CPLX2: variants seen among roughly 807,000 people sequenced by gnomAD.
CPLX2 encodes complexin-2.
A neutral mutation model predicts 16.3 loss-of-function variants in CPLX2; 5 were observed. The observed-to-expected ratio is 0.31, with a 90% confidence interval of 0.16 to 0.64. The LOEUF is 0.64. Among genes scored for constraint, CPLX2 ranks in the 30% least tolerant of loss-of-function variants. The probability of loss-of-function intolerance (pLI) is 0.79; values close to 1 mark genes in which losing one functional copy is unlikely to be tolerated. For missense variants in CPLX2, 144 were observed against 181.4 expected (o/e 0.79, Z 1.18); for synonymous variants, 89 against 73.2 (o/e 1.22, Z -1.10).
chr5:175,797,657 G>T (rs1273436046), intron 1 of CPLX2, among the ~76,000 whole-genome samples: 1 of 152,124 alleles, frequency 6.6e-6, no homozygotes, highest in Non-Finnish European at 1.5e-5. Context: ...CTGAGAAGCC[G>T]CGGGGAAGCC....
At chr5:175,827,452 C>A (rs1477683407) in intron 2 of CPLX2, among the ~76,000 whole-genome samples, 1 of 152,154 alleles carries the variant, frequency 6.6e-6, no homozygotes, top group Admixed American at 6.6e-5. Flanking sequence ...TTCAACATAC[C>A]TTTAAAGTCC....
chr5:175,829,211 A>G (rs903999492), intron 2 of CPLX2, among the ~76,000 whole-genome samples: 3 of 152,204 alleles, frequency 2.0e-5, no homozygotes, highest in African/African-American at 7.2e-5. Flanking sequence ...GATTTTTACA[A>G]CAGCCCTGCA....
intron 1 of CPLX2, among the ~76,000 whole-genome samples, chr5:175,806,969 C>A (rs1013428738): frequency 1.3e-5 from 2 of 152,240 alleles, no homozygotes; most frequent in South Asian, 4.1e-4. Flanking sequence ...GCCAGGCTAG[C>A]GGGAGTGTTA....
intron 2 of CPLX2, among the ~76,000 whole-genome samples, chr5:175,853,416 C>A (rs1561784026): frequency 6.6e-6 from 1 of 152,120 alleles, no homozygotes; most frequent in Non-Finnish European, 1.5e-5. Flanking sequence ...GGCCTCTTGT[C>A]TTTCAGGGTT....
chr5:175,814,975 G>A (rs1177394831), intron 2 of CPLX2, among the ~76,000 whole-genome samples: 1 of 152,192 alleles, frequency 6.6e-6, no homozygotes, highest in Non-Finnish European at 1.5e-5. Flanking sequence ...GTGAGGGAGG[G>A]GTGGTTCCCA....
At chr5:175,838,836 A>C (rs960482497) in intron 2 of CPLX2, among the ~76,000 whole-genome samples, 3 of 152,248 alleles carry the variant, frequency 2.0e-5, no homozygotes, top group African/African-American at 7.2e-5. Flanking sequence ...AATCAAATGC[A>C]ACTAAAAATA....
In CPLX2 at chr5:175,881,332, T is replaced by C. The variant is rs1219789691; in HGVS notation, c.*1287T>C. 6.5e-6 allele frequency: 1 copy of C among 153,400 alleles called. No homozygotes were observed. Among genetic ancestry groups the C allele is most frequent in the African/African-American group, 2.4e-5 (1 of 41,426 alleles). 9.5% of individuals were successfully genotyped at this position (153,400 alleles called of 1,614,324 possible). On this transcript the variant is annotated 3_prime_UTR_variant, in exon 4 of 4. Coordinates refer to ENST00000393745, the MANE Select transcript of CPLX2 (RefSeq NM_001008220.2). ...AGTCATCATATCTATGTGTTACAGA[T>C]TGTGTATGTTAGCCTTGTGTATGTG... is the stretch of plus-strand genomic sequence containing the variant.
intron 2 of CPLX2, among the ~76,000 whole-genome samples, chr5:175,854,476 T>C (rs1759215002): frequency 6.6e-6 from 1 of 152,126 alleles, no homozygotes; most frequent in Admixed American, 6.5e-5. Flanking sequence ...TTCAGTGTAA[T>C]GGGGTCATAA....
intron 2 of CPLX2, among the ~76,000 whole-genome samples, chr5:175,823,674 T>A (rs886581961): frequency 2.0e-5 from 3 of 151,908 alleles, no homozygotes; most frequent in African/African-American, 7.3e-5. Flanking sequence ...GGCAGCAAAG[T>A]GGGGGGAGCC....
At chr5:175,811,875 AC>A (rs1326061107) in intron 2 of CPLX2, among the ~76,000 whole-genome samples, 1 of 152,174 alleles carries the variant, frequency 6.6e-6, no homozygotes, top group African/African-American at 2.4e-5. Flanking sequence ...CTCTGCCAGG[AC>A]CTTTTCATAT....
chr5:175,827,224 C>CCCT (rs1758633680), intron 2 of CPLX2, among the ~76,000 whole-genome samples: 1 of 152,200 alleles, frequency 6.6e-6, no homozygotes, highest in Admixed American at 6.5e-5. Flanking sequence ...TGGTCATGTG[C>CCCT]CCTCTATGGG....
At chr5:175,871,455 G>A (rs1436653130), upstream of CPLX2, 5 of 140,176 alleles carry the variant, frequency 3.6e-5, no homozygotes, top group Admixed American at 1.4e-4. Flanking sequence ...GAGAGAGAGA[G>A]AGAGAGAGAG....
chr5:175,811,302 T>G lies in CPLX2; in HGVS notation c.-89+2234T>G, dbSNP rs962199683. Among the ~76,000 whole-genome samples, 7 of 152,236 alleles carry G rather than the reference T, an allele frequency of 4.6e-5. No individual in the cohort carries two copies. In the South Asian group the frequency reaches 1.5e-3, roughly 32 times the overall value. On this transcript the variant is annotated intron_variant, in intron 2 of 4. Transcript: ENST00000359546. Reference sequence around the variant, plus strand: ...GAAGCAAACTTCAGGATTAGGCTGTTGGTTGGCCTGTCTCCAGGCCAGAAA... The same window carrying G: ...GAAGCAAACTTCAGGATTAGGCTGTGGGTTGGCCTGTCTCCAGGCCAGAAA...
intron 2 of CPLX2, among the ~76,000 whole-genome samples, chr5:175,838,807 C>T (rs951421617): frequency 1.3e-5 from 2 of 152,248 alleles, no homozygotes; most frequent in African/African-American, 4.8e-5. Flanking sequence ...CTCTAACTTT[C>T]TTACCCATTT....
At chr5:175,814,793 C>T (rs1028633669) in intron 2 of CPLX2, among the ~76,000 whole-genome samples, 4 of 152,180 alleles carry the variant, frequency 2.6e-5, no homozygotes, top group African/African-American at 7.2e-5. Flanking sequence ...CGGTTTTGTC[C>T]AGGTCCCCTC....
chr5:175,840,356 T>C (rs978508813), intron 2 of CPLX2, among the ~76,000 whole-genome samples: 1 of 152,046 alleles, frequency 6.6e-6, no homozygotes, highest in Non-Finnish European at 1.5e-5. Flanking sequence ...AAAACAAGAG[T>C]TGGAGAAGTT....
At chr5:175,877,745 C>A (rs1198376567) in intron 1 of CPLX2, among the ~76,000 whole-genome samples, 2 of 152,196 alleles carry the variant, frequency 1.3e-5, no homozygotes, top group Non-Finnish European at 2.9e-5. Context: ...TCCTCCCCCA[C>A]CACCTCCACT....
chr5:175,815,143 C>T (rs575701381), intron 2 of CPLX2, among the ~76,000 whole-genome samples: 3 of 152,334 alleles, frequency 2.0e-5, no homozygotes, highest in African/African-American at 7.2e-5. Flanking sequence ...CTTTCTCCTA[C>T]CCTGAATGGA....
chr5:175,830,990 C>T lies in CPLX2; in HGVS notation c.-89+21922C>T, dbSNP rs894952851. Reference sequence around the variant, plus strand: ...GATTGTGAGCATGGCTGGGGGTGCGCGTGTGTGCTCATGGCAGCTGAGTGT... The same window carrying T: ...GATTGTGAGCATGGCTGGGGGTGCGTGTGTGTGCTCATGGCAGCTGAGTGT... On this transcript the variant is annotated intron_variant, in intron 2 of 4. Coordinates refer to the CPLX2 transcript ENST00000359546. The surrounding 1 kb of genome is among the most constrained non-coding windows in gnomAD (Gnocchi z 4.0). 2.6e-5 allele frequency among the ~76,000 whole-genome samples: 4 copies of T among 152,172 alleles called. No individual in the cohort carries two copies. The highest frequency in any genetic ancestry group is 2.1e-4 in the South Asian group (1 of 4,830).
Sources: allele counts gnomAD v4.1 joint callset (sites outside exome capture counted in the v4.1 genomes callset), GRCh38; gene constraint gnomAD v4.1.1; non-coding constraint Gnocchi (gnomAD v3.1); transcripts MANE v1.5; gene names NCBI Gene and HGNC (gene_info 2026-07-23, HGNC 2026-07-21).